JMY: variants seen among roughly 807,000 people sequenced by gnomAD.
JMY encodes junction mediating and regulatory protein, p53 cofactor.
A neutral mutation model predicts 103.3 loss-of-function variants in JMY; 46 were observed. That is an observed-to-expected ratio of 0.45 (90% CI 0.35 to 0.57). The LOEUF (loss-of-function observed/expected upper bound fraction) is 0.57, where lower values mean the gene tolerates loss of function less well. Ranked by LOEUF, JMY falls within the 20% of genes least tolerant of loss-of-function variation. The pLI is 0.00. For synonymous variants in JMY, 526 were observed against 489.3 expected (o/e 1.07, Z -0.99); for missense variants, 1,238 against 1,255.2 (o/e 0.99, Z 0.21).
rs1212520626 is a variant in JMY at position 79,285,564 on chromosome 5, TC to T, written c.1207-4556del. Among the ~76,000 whole-genome samples, 1,134 of 134,760 alleles carry T rather than the reference TC, an allele frequency of 8.4e-3. 8 individuals carry two copies. Among genetic ancestry groups the T allele is most frequent in the East Asian group, 0.013 (56 of 4,400 alleles). 88.4% of individuals were successfully genotyped at this position (134,760 alleles called of 152,430 possible). On this transcript the variant is annotated intron_variant, in intron 2 of 10. Coordinates refer to ENST00000396137, the MANE Select transcript of JMY (RefSeq NM_152405.5). ...TAGTTCACTTGAGTTTCGATTTCTC[TC>T]TTTTTTTTTTTTTAAGCATAGTTTC... is the stretch of plus-strand genomic sequence containing the variant.
In JMY at chr5:79,326,181, T is replaced by C. The variant is rs1270175197; in HGVS notation, c.*4579T>C. On this transcript the variant is annotated 3_prime_UTR_variant, in exon 11 of 11. Transcript: ENST00000396137. ...TTTTGCGGGTTAGGGGAAAGTTTTGTTTTTTGCTGGTGTTTTTTGTTGTTT... is the reference window on the plus strand; with the variant it reads ...TTTTGCGGGTTAGGGGAAAGTTTTGCTTTTTGCTGGTGTTTTTTGTTGTTT... 6.6e-6 allele frequency: 1 copy of C among 152,036 alleles called. No homozygotes were observed. Among genetic ancestry groups the C allele is most frequent in the African/African-American group, 2.4e-5 (1 of 41,404 alleles). 9.4% of individuals were successfully genotyped at this position (152,036 alleles called of 1,614,324 possible).
intron 4 of JMY, among the ~76,000 whole-genome samples, chr5:79,292,896 G>C (rs970308545): frequency 3.3e-5 from 5 of 152,190 alleles, no homozygotes; most frequent in African/African-American, 1.2e-4. Context: ...ACTGCCAGCT[G>C]TCATTCTTGC....
chr5:79,259,662 G>A (rs1156473588), intron 1 of JMY, among the ~76,000 whole-genome samples: 1 of 152,232 alleles, frequency 6.6e-6, no homozygotes, highest in Non-Finnish European at 1.5e-5. Context: ...GAAGTGGCAG[G>A]GGCTGGTGTG....
intron 1 of JMY, among the ~76,000 whole-genome samples, chr5:79,268,476 A>T (rs920485358): frequency 1.4e-5 from 2 of 145,748 alleles, no homozygotes; most frequent in African/African-American, 2.8e-5. Context: ...CTTTTTATTT[A>T]TTTTTTATTT....
intron 1 of JMY, among the ~76,000 whole-genome samples, chr5:79,254,112 ATT>A (rs35066606): frequency 2.9e-5 from 4 of 140,278 alleles, no homozygotes; most frequent in African/African-American, 1.1e-4. Context: ...ACGCCCAGCT[ATT>A]TTTTTTTTTT....
intron 10 of JMY, among the ~76,000 whole-genome samples, chr5:79,320,847 A>G (rs1203124026): frequency 1.3e-5 from 2 of 152,216 alleles, no homozygotes; most frequent in Non-Finnish European, 2.9e-5. Flanking sequence ...AAGTCTTCAA[A>G]ATTCAGTGTA....
intron 1 of JMY, among the ~76,000 whole-genome samples, chr5:79,260,368 C>T (rs573606829): frequency 5.9e-5 from 9 of 152,308 alleles, no homozygotes; most frequent in East Asian, 1.9e-4. Flanking sequence ...TTGCCACCAC[C>T]GCTTATGCCT....
chr5:79,309,895 G>T (rs999123079), intron 7 of JMY, among the ~76,000 whole-genome samples: 2 of 152,006 alleles, frequency 1.3e-5, no homozygotes, highest in African/African-American at 4.8e-5. Context: ...ACTTATGAAG[G>T]TTCCACACTT....
intron 7 of JMY, among the ~76,000 whole-genome samples, chr5:79,310,292 C>T (rs1747010407): frequency 6.6e-6 from 1 of 151,886 alleles, no homozygotes; most frequent in African/African-American, 2.4e-5. Flanking sequence ...AACTGCTGCC[C>T]TTGAGTTATC....
At chr5:79,245,412 T>C (rs1167564371) in intron 1 of JMY, among the ~76,000 whole-genome samples, 5 of 151,768 alleles carry the variant, frequency 3.3e-5, no homozygotes, top group Non-Finnish European at 7.4e-5. Context: ...CTGTCTTGAG[T>C]GCTTCATGGA....
chr5:79,265,849 C>T (rs1025407450), intron 1 of JMY, among the ~76,000 whole-genome samples: 2 of 148,722 alleles, frequency 1.3e-5, no homozygotes, highest in Non-Finnish European at 3.0e-5. Context: ...GGCACGATCT[C>T]GGCTCACTGC....
chr5:79,263,801 CT>C (rs58036086), intron 1 of JMY, among the ~76,000 whole-genome samples: 154 of 147,772 alleles, frequency 1.0e-3, no homozygotes, highest in Non-Finnish European at 1.1e-3. Flanking sequence ...CCATGTCCGT[CT>C]TTTTTTTTTT....
chr5:79,251,379 G>GC (rs1377764713), intron 1 of JMY, among the ~76,000 whole-genome samples: 12 of 152,198 alleles, frequency 7.9e-5, no homozygotes, highest in Admixed American at 7.9e-4. Context: ...CTACAGCCAT[G>GC]CGCCACCATG....
Position 79,314,628 on chromosome 5 carries a change from ACCTCCC to A in JMY, c.2439_2444del (p.Pro824_Pro825del). The A allele has an allele frequency of 8.9e-6, 10 of 1,128,760 alleles. No homozygotes were observed. Among genetic ancestry groups the A allele is most frequent in the Non-Finnish European group, 1.3e-5 (10 of 797,206 alleles). 69.9% of individuals were successfully genotyped at this position (1,128,760 alleles called of 1,614,324 possible). A position where few individuals can be genotyped will look rare whatever the true frequency, so the allele number is the denominator to read the frequency against. On this transcript the variant is annotated inframe_deletion, in exon 9 of 11. Coordinates refer to ENST00000396137, the MANE Select transcript of JMY (RefSeq NM_152405.5). ...CATCCCCTCTTCCTCCAACACCACC[ACCTCCC>A]CCACCTCCTCCCCCTCCCCCACCAC...
chr5:79,312,445 T>G lies in JMY; in HGVS notation c.2011T>G (p.Trp671Gly). 6.3e-7 allele frequency: 1 copy of G among 1,587,806 alleles called. No homozygotes were observed. The highest frequency in any genetic ancestry group is 8.5e-7 in the Non-Finnish European group (1 of 1,170,472). The change falls in exon 8 of 11, where the codon TGG becomes GGG. Residue 671 changes from tryptophan (W) to glycine (G), a missense_variant. Transcript: ENST00000396137. ...LHDEEERKSA[W>G]VSQERQRTLD... ...TGATGAAGAAGAAAGAAAAAGTGCC[T>G]GGGTTAGCCAAGAGAGACAGAGAAC...
At position 79,321,791 on chromosome 5, in the gene JMY, CA is replaced by C. The variant is rs1193468602; in HGVS notation, c.*190del. 6.6e-6 allele frequency: 1 copy of C among 152,158 alleles called. No individual in the cohort carries two copies. Among genetic ancestry groups the C allele is most frequent in the Non-Finnish European group, 1.5e-5 (1 of 68,024 alleles). The allele number at this position is 152,158 out of a possible 1,614,324, so 9.4% of individuals were successfully genotyped here. A position where few individuals can be genotyped will look rare whatever the true frequency, so the allele number is the denominator to read the frequency against. On this transcript the variant is annotated 3_prime_UTR_variant, in exon 11 of 11. Coordinates refer to ENST00000396137, the MANE Select transcript of JMY (RefSeq NM_152405.5). Reference sequence around the variant, plus strand: ...AGTCGTTCCAATAGATGATGGTTAACATGAATTTTACATGTGCAATGTTCCT... The same window carrying C: ...AGTCGTTCCAATAGATGATGGTTAACTGAATTTTACATGTGCAATGTTCCT...
intron 2 of JMY, chr5:79,284,210 T>C: frequency 6.5e-7 from 1 of 1,549,674 alleles, no homozygotes; most frequent in Non-Finnish European, 8.8e-7. Flanking sequence ...CAGTGGCTTT[T>C]CCAGAACTAC....
At chr5:79,284,550 C>T (rs1198808353) in intron 2 of JMY, 11 of 1,538,946 alleles carry the variant, frequency 7.1e-6, no homozygotes, top group Admixed American at 5.0e-5. Flanking sequence ...CTGACGTCAA[C>T]GTGAGCTTCA....
At chr5:79,275,107 C>T (rs1040291748) in intron 1 of JMY, among the ~76,000 whole-genome samples, 18 of 151,592 alleles carry the variant, frequency 1.2e-4, no homozygotes, top group Non-Finnish European at 2.5e-4. Flanking sequence ...TGAACTCTAT[C>T]CTCAGATTCT....
Sources: allele counts gnomAD v4.1 joint callset (sites outside exome capture counted in the v4.1 genomes callset), GRCh38; gene constraint gnomAD v4.1.1; transcripts MANE v1.5; gene names NCBI Gene and HGNC (gene_info 2026-07-23, HGNC 2026-07-21).